The following PIGN variants were observed in gnomAD, a reference collection of about 807,000 sequenced individuals.
PIGN encodes the protein phosphatidylinositol glycan anchor biosynthesis class N.
A neutral mutation model predicts 125.4 loss-of-function variants in PIGN; 117 were observed. That is an observed-to-expected ratio of 0.93 (90% confidence interval 0.80 to 1.09). PIGN has a LOEUF of 1.09. Ranked by LOEUF, PIGN falls within the 50% of genes least tolerant of loss-of-function variation. PIGN has a pLI of 0.00. For synonymous variants in PIGN, 392 were observed against 377.8 expected (o/e 1.04, Z -0.44); for missense variants, 1,075 against 1,094.9 (o/e 0.98, Z 0.26).
intron 14 of PIGN, among the ~76,000 whole-genome samples, chr18:62,129,464 A>C (rs530075396): frequency 5.9e-5 from 9 of 152,324 alleles, no homozygotes; most frequent in Non-Finnish European, 1.2e-4. Flanking sequence ...GGTATCAACA[A>C]ATCAAAAGTT....
rs1296065501 is a variant in PIGN, at chr18:62,113,304, T to G, written c.1264A>C (p.Lys422Gln). 3 of 1,605,536 alleles carry G rather than the reference T, an allele frequency of 1.9e-6. No homozygotes were observed. The highest frequency in any genetic ancestry group is 2.7e-5 in the African/African-American group (2 of 74,516). Reference sequence around the variant, plus strand: ...TTCAATGCAAGATGAATTAGCTCCTTGCAAAGGGAGACCTATGGAGAAAAA... The same window carrying G: ...TTCAATGCAAGATGAATTAGCTCCTGGCAAAGGGAGACCTATGGAGAAAAA... ...RKFDEVVSLC[K>Q]ELIHLALKGL... Residue 422 changes from lysine (K) to glutamine (Q), a missense_variant, in exon 16 of 31, where the codon AAG becomes CAG. By Grantham distance (53) the Lys-to-Gln change is moderately conservative. Coordinates refer to ENST00000640252, the MANE Select transcript of PIGN (RefSeq NM_176787.5).
At chr18:62,056,622 C>T (rs1215573749) in intron 30 of PIGN, 1 of 152,334 alleles carries the variant, frequency 6.6e-6, no homozygotes. Context: ...CCTCAGGTAC[C>T]TTTCTTGTCT....
Position 62,107,044 on chromosome 18 carries a change from T to C in PIGN, c.1616A>G (p.Tyr539Cys). The change falls in exon 18 of 31, where the codon TAT (tyrosine) becomes TGT (cysteine). Residue 539 changes from tyrosine (Y) to cysteine (C), a missense_variant. By Grantham distance (194) the Tyr-to-Cys change is radical. Around this residue, in one of 3 missense-constraint regions of PIGN, gnomAD observed 915 missense variants for 908.7 expected, o/e 1.01. Coordinates refer to ENST00000640252, the MANE Select transcript of PIGN (RefSeq NM_176787.5). ...GTACCCAACAAAATGGCTCAGAGGA[T>C]AGGTCAACACTGATACAACAAGGTC... ...IQDLVVSVLT[Y>C]PLSHFVGYLL... The C allele has an allele frequency of 6.3e-7, 1 of 1,590,364 alleles. No individual in the cohort carries two copies.
intron 14 of PIGN, among the ~76,000 whole-genome samples, chr18:62,131,788 A>G (rs1183199171): frequency 6.6e-6 from 1 of 152,186 alleles, no homozygotes; most frequent in Non-Finnish European, 1.5e-5. Context: ...TCATTACCCT[A>G]GGAATTATTT....
At chr18:62,115,765 C>A (rs1019827045) in intron 14 of PIGN, among the ~76,000 whole-genome samples, 1 of 151,964 alleles carries the variant, frequency 6.6e-6, no homozygotes, top group African/African-American at 2.4e-5. Flanking sequence ...AATTCATAAA[C>A]CCAGAAGCTT....
At chr18:62,047,943 A>G (rs1367152175) in intron 30 of PIGN, among the ~76,000 whole-genome samples, 1 of 152,224 alleles carries the variant, frequency 6.6e-6, no homozygotes, top group Non-Finnish European at 1.5e-5. Flanking sequence ...TGTACATACT[A>G]GAAACAAACA....
At chr18:62,030,400 G>A (rs2030180096) in intron 23 of PIGN, among the ~76,000 whole-genome samples, 1 of 152,236 alleles carries the variant, frequency 6.6e-6, no homozygotes, top group African/African-American at 2.4e-5. Flanking sequence ...TCTCAAGTAA[G>A]CCCCTGAGGG....
intron 1 of PIGN, among the ~76,000 whole-genome samples, chr18:62,166,492 T>C (rs757951440): frequency 3.3e-5 from 5 of 152,210 alleles, no homozygotes; most frequent in Admixed American, 6.5e-5. Context: ...TGGAAGACAG[T>C]GTGGCAATTT....
intron 30 of PIGN, among the ~76,000 whole-genome samples, chr18:62,061,954 G>A (rs1316667312): frequency 2.0e-5 from 3 of 152,102 alleles, no homozygotes; most frequent in Admixed American, 6.6e-5. Flanking sequence ...CCTTTTCCTC[G>A]CAATAAACTA....
intron 30 of PIGN, chr18:62,069,907 A>C (rs1375233505): frequency 6.6e-6 from 1 of 152,338 alleles, no homozygotes; most frequent in Non-Finnish European, 1.5e-5. Flanking sequence ...CATAAACAAA[A>C]TACTGTATTT....
intron 23 of PIGN, among the ~76,000 whole-genome samples, chr18:62,029,290 T>C (rs2030163227): frequency 6.6e-6 from 1 of 152,188 alleles, no homozygotes; most frequent in African/African-American, 2.4e-5. Context: ...TCTCTTCTTT[T>C]TTCTCATATT....
intron 23 of PIGN, among the ~76,000 whole-genome samples, chr18:62,021,757 G>A (rs774309115): frequency 1.3e-5 from 2 of 152,126 alleles, no homozygotes; most frequent in Non-Finnish European, 2.9e-5. Context: ...AACAACACCC[G>A]GTTATTATCT....
intron 26 of PIGN, among the ~76,000 whole-genome samples, chr18:62,084,910 C>A (rs976759090): frequency 1.3e-5 from 2 of 152,124 alleles, no homozygotes; most frequent in African/African-American, 4.8e-5. Context: ...CAGTTTGAGA[C>A]CAGCCTGACC....
intron 30 of PIGN, among the ~76,000 whole-genome samples, chr18:62,054,071 C>T (rs2145204724): frequency 6.6e-6 from 1 of 152,240 alleles, no homozygotes; most frequent in South Asian, 2.1e-4. Flanking sequence ...ACCAACACAT[C>T]ACAGTTTATG....
At chr18:62,107,782 T>A (rs1313768167) in intron 17 of PIGN, among the ~76,000 whole-genome samples, 1 of 152,114 alleles carries the variant, frequency 6.6e-6, no homozygotes, top group Non-Finnish European at 1.5e-5. Context: ...ACCCAAGTAA[T>A]CCTATATTTA....
In PIGN at chr18:62,181,146, C is replaced by A. The variant is rs2037703089; in HGVS notation, c.-236+5698G>T. On this transcript the variant is annotated intron_variant, in intron 1 of 30. Coordinates refer to ENST00000640252, the MANE Select transcript of PIGN (RefSeq NM_176787.5). ...ACATCAGAAAGAAAAAGGTTTTAAACCTTTACATTCAAATCTTGGCTTTTG... is the reference window on the plus strand; with the variant it reads ...ACATCAGAAAGAAAAAGGTTTTAAAACTTTACATTCAAATCTTGGCTTTTG... Among the ~76,000 whole-genome samples, 2 of 151,996 alleles carry A rather than the reference C, an allele frequency of 1.3e-5. 1 individual carries two copies. The highest frequency in any genetic ancestry group is 4.1e-4 in the South Asian group (2 of 4,828).
chr18:62,141,481 G>T (rs771500890), intron 11 of PIGN, among the ~76,000 whole-genome samples: 1 of 152,142 alleles, frequency 6.6e-6, no homozygotes, highest in African/African-American at 2.4e-5. Context: ...TTTCAGATAC[G>T]TTCGCTAGTC....
At chr18:62,134,058 A>T (rs1049881808) in intron 14 of PIGN, among the ~76,000 whole-genome samples, 6 of 152,004 alleles carry the variant, frequency 3.9e-5, no homozygotes. Context: ...TGGCTATATC[A>T]CATTTTTACC....
At chr18:62,071,847 G>T (rs1372099085) in intron 30 of PIGN, among the ~76,000 whole-genome samples, 2 of 125,272 alleles carry the variant, frequency 1.6e-5, no homozygotes, top group African/African-American at 6.2e-5. Context: ...TCGTTTTTTA[G>T]ACTGTACTCC....
Sources: gnomAD v4.1 joint callset for allele counts (sites outside exome capture counted in the v4.1 genomes callset) on GRCh38, gnomAD v4.1.1 for gene constraint, gnomAD v4.1.1 regional missense constraint, MANE v1.5 for transcripts, NCBI Gene and HGNC (gene_info 2026-07-23, HGNC 2026-07-21) for gene names.